Variants in PPFIA2 observed in about 807,000 individuals in gnomAD.
PPFIA2 encodes liprin-alpha-2.
In PPFIA2, 46 loss-of-function variants were observed where a neutral mutation model predicts 175.5. The ratio of observed to expected loss-of-function variants is 0.26; its 90% CI spans 0.21 to 0.34. PPFIA2 has a LOEUF of 0.34. PPFIA2 is among the 10% of genes least tolerant of loss of function. The pLI is 1.00. For missense variants in PPFIA2, 1,179 were observed against 1,506.1 expected (o/e 0.78, Z 3.60); for synonymous variants, 568 against 511.4 (o/e 1.11, Z -1.49).
intron 4 of PPFIA2, chr12:81,535,458 T>A (rs755488486): frequency 4.4e-6 from 2 of 455,264 alleles, no homozygotes; most frequent in Admixed American, 4.7e-5. Flanking sequence ...ATGCTCAATA[T>A]CCTGAAAGGC....
At chr12:81,328,740 C>T (rs984706819) in intron 21 of PPFIA2, among the ~76,000 whole-genome samples, 22 of 151,622 alleles carry the variant, frequency 1.5e-4, no homozygotes, top group African/African-American at 5.1e-4. Context: ...ACATATTGGA[C>T]AGGGGACAAG....
At chr12:81,581,938 T>A (rs1488883842) in intron 4 of PPFIA2, among the ~76,000 whole-genome samples, 1 of 151,946 alleles carries the variant, frequency 6.6e-6, no homozygotes, top group Non-Finnish European at 1.5e-5. Flanking sequence ...ACATATTTAC[T>A]ATTTTTATTA....
In PPFIA2 at chr12:81,368,867, A is replaced by T. The variant is rs1432050830; in HGVS notation, c.1351-11T>A. 1.3e-6 allele frequency: 2 copies of T among 1,596,046 alleles called. No individual in the cohort carries two copies. The highest frequency in any genetic ancestry group is 8.5e-7 in the Non-Finnish European group (1 of 1,173,636). On this transcript the variant is annotated splice_polypyrimidine_tract_variant and intron_variant, in intron 12 of 32. Coordinates refer to ENST00000549396, the MANE Select transcript of PPFIA2 (RefSeq NM_003625.5). ...CTCTCTTTGCCTAGCCTTACATTTT[A>T]AAAAATGACATAAAAATCCATTCAA...
chr12:81,362,925 C>G, intron 14 of PPFIA2, 141 bp from the exon 15 acceptor site: 3 of 456,296 alleles, frequency 6.6e-6, no homozygotes, highest in South Asian at 5.9e-5. Context: ...TAATAAAGCA[C>G]GCCAAAATTT....
chr12:81,308,079 T>G (rs190853689), intron 22 of PPFIA2, among the ~76,000 whole-genome samples: 1 of 152,216 alleles, frequency 6.6e-6, no homozygotes, highest in African/African-American at 2.4e-5. Context: ...TCACTTAAAA[T>G]TTAAAATGTA....
rs1006334000 is a variant in PPFIA2, at chr12:81,298,882, C to T, written c.2724+419G>A. Among the ~76,000 whole-genome samples, 5 of 152,146 alleles carry T rather than the reference C, an allele frequency of 3.3e-5. No individual in the cohort carries two copies. The South Asian group carries it at 6.2e-4, about 19-fold the overall frequency. ...AGAACTAGGTTCAGGAACTAAATTA[C>T]AGGCAAAGGAATGTCTCTCTGTACA... On this transcript the variant is annotated intron_variant, in intron 23 of 32. Coordinates refer to ENST00000549396, the MANE Select transcript of PPFIA2 (RefSeq NM_003625.5).
intron 27 of PPFIA2, among the ~76,000 whole-genome samples, chr12:81,277,697 T>G (rs567261041): frequency 6.6e-6 from 1 of 152,328 alleles, no homozygotes; most frequent in East Asian, 1.9e-4. Flanking sequence ...TGTCTTTCAT[T>G]TAGCTATTCC....
At position 81,353,264 on chromosome 12, in the gene PPFIA2, C is replaced by A. The variant is rs2060327461; in HGVS notation, c.1849G>T (p.Asp617Tyr). The stretch of plus-strand genomic sequence containing the variant: ...TCATCAATATCAGACATTTCAGTGT[C>A]ACTTTCAAAAGGGTGGCTGCTTAGT... ...GVLSSHPFES[D>Y]TEMSDIDDDD... The change falls in exon 17 of 33, where the codon GAC (aspartate) becomes TAC (tyrosine). Residue 617 changes from aspartate to tyrosine, a missense_variant. This residue lies in a region of PPFIA2 where 186 missense variants were observed against 163.6 expected (regional missense o/e 1.14). Coordinates refer to ENST00000549396, the MANE Select transcript of PPFIA2 (RefSeq NM_003625.5). The A allele has an allele frequency of 1.2e-6, 2 of 1,613,626 alleles. No homozygotes were observed. Among genetic ancestry groups the A allele is most frequent in the South Asian group, 2.2e-5 (2 of 91,080 alleles).
intron 4 of PPFIA2, among the ~76,000 whole-genome samples, chr12:81,632,866 T>C (rs1344974029): frequency 6.6e-6 from 1 of 152,012 alleles, no homozygotes; most frequent in African/African-American, 2.4e-5. Context: ...TACTCTTCTG[T>C]TCCCAGCCCT....
At chr12:81,755,226 A>C (rs2084459064) in intron 2 of PPFIA2, among the ~76,000 whole-genome samples, 1 of 152,228 alleles carries the variant, frequency 6.6e-6, no homozygotes, top group Non-Finnish European at 1.5e-5. Context: ...ACTTAGGTGC[A>C]TGATTGAACA....
chr12:81,535,064 CTTATTG>C (rs1163039857), intron 4 of PPFIA2, among the ~76,000 whole-genome samples: 3 of 151,590 alleles, frequency 2.0e-5, no homozygotes, highest in African/African-American at 4.8e-5. Context: ...TAAATTTGAA[CTTATTG>C]TTATAGCAAA....
At chr12:81,702,512 CTATT>C (rs1211402782) in intron 3 of PPFIA2, among the ~76,000 whole-genome samples, 1 of 152,100 alleles carries the variant, frequency 6.6e-6, no homozygotes, top group Non-Finnish European at 1.5e-5. Context: ...TGTCTACACT[CTATT>C]TGTCAAAACA....
intron 4 of PPFIA2, among the ~76,000 whole-genome samples, chr12:81,483,209 C>T (rs995228059): frequency 1.1e-4 from 17 of 152,084 alleles, no homozygotes; most frequent in Non-Finnish European, 2.4e-4. Context: ...TCTAGTTATA[C>T]ATACAAGGTA....
At chr12:81,416,109 C>T (rs1592652456) in intron 7 of PPFIA2, among the ~76,000 whole-genome samples, 2 of 151,522 alleles carry the variant, frequency 1.3e-5, no homozygotes, top group East Asian at 3.9e-4. Flanking sequence ...TGTTATTTTA[C>T]TAGGTTAGCA....
At chr12:81,435,716 G>A (rs767013922) in intron 7 of PPFIA2, among the ~76,000 whole-genome samples, 70 of 152,116 alleles carry the variant, frequency 4.6e-4, no homozygotes, top group Admixed American at 1.4e-3. Flanking sequence ...GCATATATGC[G>A]TATGTATGAA....
At position 81,642,702 on chromosome 12, in the gene PPFIA2, A is replaced by AGGTATATATTATATACATACATG. The variant is rs1567687235; in HGVS notation, c.303+34088_303+34089insCATGTATGTATATAATATATACC. 2.7e-4 allele frequency among the ~76,000 whole-genome samples: 2 copies of AGGTATATATTATATACATACATG among 7,396 alleles called. 1 individual carries two copies. The highest frequency in any genetic ancestry group is 7.5e-4 in the Non-Finnish European group (2 of 2,684). 4.9% of individuals were successfully genotyped at this position (7,396 alleles called of 152,430 possible). A position where few individuals can be genotyped will look rare whatever the true frequency, so the allele number is the denominator to read the frequency against. Reference sequence around the variant, plus strand: ...ATGTATCTATTATATACATACATGTATATGTATGTATGTATTATATACATA... The same window carrying AGGTATATATTATATACATACATG: ...ATGTATCTATTATATACATACATGTAGGTATATATTATATACATACATGTATGTATGTATGTATTATATACATA... On this transcript the variant is annotated intron_variant, in intron 4 of 32. Coordinates refer to ENST00000549396, the MANE Select transcript of PPFIA2 (RefSeq NM_003625.5).
At chr12:81,577,368 T>C (rs1167967015) in intron 4 of PPFIA2, among the ~76,000 whole-genome samples, 2 of 151,906 alleles carry the variant, frequency 1.3e-5, no homozygotes, top group Non-Finnish European at 2.9e-5. Context: ...GTGCACAGTA[T>C]TAGCAAGTAG....
intron 13 of PPFIA2, 103 bp downstream of exon 13, chr12:81,368,622 T>G (rs1018125183): frequency 8.3e-7 from 1 of 1,208,110 alleles, no homozygotes; most frequent in Non-Finnish European, 1.1e-6. Flanking sequence ...TTTTAAAAAC[T>G]AAGTAAATGG....
chr12:81,407,524 A>C (rs118078317), intron 7 of PPFIA2, among the ~76,000 whole-genome samples: 13,047 of 150,648 alleles, frequency 0.087, 799 homozygotes, highest in Middle Eastern at 0.15. Context: ...AAATAAAATA[A>C]AATACTTTAA....
Sources: gnomAD v4.1 joint callset for allele counts (sites outside exome capture counted in the v4.1 genomes callset) on GRCh38, gnomAD v4.1.1 for gene constraint, gnomAD v4.1.1 regional missense constraint, MANE v1.5 for transcripts, NCBI Gene and HGNC (gene_info 2026-07-23, HGNC 2026-07-21) for gene names.